The following ARL6IP6 variants were observed in gnomAD, a reference collection of about 807,000 sequenced individuals.
The protein encoded by ARL6IP6 is ADP-ribosylation factor-like protein 6-interacting protein 6.
A neutral mutation model predicts 21.5 loss-of-function variants in ARL6IP6; 22 were observed. The ratio of observed to expected loss-of-function variants is 1.02; its 90% confidence interval spans 0.73 to 1.46. The LOEUF is 1.46. ARL6IP6 is among the 40% of genes most tolerant of loss of function. The pLI is 0.00. For missense variants in ARL6IP6, 388 were observed against 299.8 expected (o/e 1.29, Z -2.17); for synonymous variants, 164 against 125.3 (o/e 1.31, Z -2.06).
intron 3 of ARL6IP6, among the ~76,000 whole-genome samples, chr2:152,742,863 C>T (rs1700881441): frequency 6.6e-6 from 1 of 151,958 alleles, no homozygotes. Flanking sequence ...ATGAAGAAAC[C>T]AAGTCTCAGA....
At chr2:152,739,241 T>C (rs1428883521) in intron 3 of ARL6IP6, among the ~76,000 whole-genome samples, 1 of 152,154 alleles carries the variant, frequency 6.6e-6, no homozygotes, top group Admixed American at 6.5e-5. Context: ...CACCTTGGCC[T>C]CCCAAAGTAC....
At position 152,761,248 on chromosome 2, in the gene ARL6IP6, A is replaced by T. The variant is rs1701831381; in HGVS notation, c.*1408A>T. 6.9e-6 allele frequency: 1 copy of T among 144,924 alleles called. No individual in the cohort carries two copies. Among genetic ancestry groups the T allele is most frequent in the South Asian group, 2.3e-4 (1 of 4,374 alleles). The allele number at this position is 144,924 out of a possible 1,614,324, so 9.0% of individuals were successfully genotyped here. ...TACTGCTCCAATTTAAATTATCTGA[A>T]ATGTGTGTGTGTGTGTGTGTATCTA... On this transcript the variant is annotated 3_prime_UTR_variant, in exon 4 of 4. Transcript: ENST00000326446.
intron 1 of ARL6IP6, 149 bp downstream of exon 1, chr2:152,719,173 T>A: frequency 1.1e-6 from 1 of 894,802 alleles, no homozygotes; most frequent in Non-Finnish European, 1.6e-6. Context: ...CTTACTTTGC[T>A]CTCCCGCCCT....
Position 152,738,845 on chromosome 2 carries a change from T to G in ARL6IP6, c.587+3719T>G, listed in dbSNP as rs1472541480. Among the ~76,000 whole-genome samples, 3 of 151,620 alleles carry G rather than the reference T, an allele frequency of 2.0e-5. No individual in the cohort carries two copies. The East Asian group carries it at 5.8e-4, about 29-fold the overall frequency. ...TTTCTGCAAATTGCTACAGCTGGCT[T>G]GAATTTTGCCTCAGAAAATTGTTTT... is the stretch of plus-strand genomic sequence containing the variant. On this transcript the variant is annotated intron_variant, in intron 3 of 3. Transcript: ENST00000326446.
At chr2:152,723,685 G>C (rs1185210841) in intron 2 of ARL6IP6, among the ~76,000 whole-genome samples, 2 of 152,124 alleles carry the variant, frequency 1.3e-5, no homozygotes, top group Non-Finnish European at 2.9e-5. Context: ...ACAGATTATA[G>C]CAGCAATTCT....
intron 3 of ARL6IP6, among the ~76,000 whole-genome samples, chr2:152,745,459 G>C (rs926066420): frequency 6.6e-6 from 1 of 152,118 alleles, no homozygotes; most frequent in Non-Finnish European, 1.5e-5. Context: ...GAGTGTTACA[G>C]GTTCTTAACT....
chr2:152,718,191 A>C, upstream of ARL6IP6: 1 of 558,982 alleles, frequency 1.8e-6, no homozygotes, highest in Non-Finnish European at 2.3e-6. Context: ...GAGAAGACAA[A>C]TAGGTTCGGG....
chr2:152,721,079 G>A lies in ARL6IP6; in HGVS notation c.454+493G>A, dbSNP rs935999776. On this transcript the variant is annotated intron_variant, in intron 2 of 3. Coordinates refer to ENST00000326446, the MANE Select transcript of ARL6IP6 (RefSeq NM_152522.7). ...ACTGCACTCCAGCCTGGGCGACAGA[G>A]TGAGACCCTGTCTGAAACAATAATA... Among the ~76,000 whole-genome samples, 3 of 152,334 alleles carry A rather than the reference G, an allele frequency of 2.0e-5. No homozygotes were observed. In the South Asian group the frequency reaches 6.2e-4, roughly 32 times the overall value.
intron 2 of ARL6IP6, among the ~76,000 whole-genome samples, chr2:152,728,090 G>A (rs1700127384): frequency 6.6e-6 from 1 of 151,868 alleles, no homozygotes; most frequent in African/African-American, 2.4e-5. Context: ...AATATAATTG[G>A]AATCATGTAT....
At chr2:152,730,681 A>G (rs1194712154) in intron 2 of ARL6IP6, among the ~76,000 whole-genome samples, 1 of 152,160 alleles carries the variant, frequency 6.6e-6, no homozygotes, top group East Asian at 1.9e-4. Context: ...AATCCTCAAG[A>G]CATTTGCTAT....
intron 2 of ARL6IP6, among the ~76,000 whole-genome samples, chr2:152,729,583 A>G (rs146791216): frequency 0.01 from 1,558 of 152,266 alleles, 21 homozygotes; most frequent in African/African-American, 0.036. Context: ...AAAAAAACAC[A>G]CACACAACAG....
At chr2:152,758,520 A>AT (rs1701689022) in intron 3 of ARL6IP6, among the ~76,000 whole-genome samples, 1 of 152,302 alleles carries the variant, frequency 6.6e-6, no homozygotes, top group East Asian at 1.9e-4. Context: ...CATTATACCT[A>AT]TTTTACGATG....
At chr2:152,734,893 G>T in intron 2 of ARL6IP6, 101 bp from the exon 3 acceptor site, 1 of 1,191,438 alleles carries the variant, frequency 8.4e-7, no homozygotes. Context: ...ATATAATTTA[G>T]AAGATGAGAA....
rs932523354 is a variant in ARL6IP6, at chr2:152,761,946, T to C, written c.*2106T>C. On this transcript the variant is annotated 3_prime_UTR_variant, in exon 4 of 4. Coordinates refer to ENST00000326446, the MANE Select transcript of ARL6IP6 (RefSeq NM_152522.7). ...TAATATAGATAAATATAGAGAGAGA[T>C]GTATCCGTAAGATATTTTTGTGGAA... is the stretch of plus-strand genomic sequence containing the variant. 6.6e-6 allele frequency among the ~76,000 whole-genome samples: 1 copy of C among 152,158 alleles called. No individual in the cohort carries two copies. The highest frequency in any genetic ancestry group is 2.1e-4 in the South Asian group (1 of 4,834).
At chr2:152,739,976 C>T (rs1700734408) in intron 3 of ARL6IP6, among the ~76,000 whole-genome samples, 1 of 152,184 alleles carries the variant, frequency 6.6e-6, no homozygotes, top group Non-Finnish European at 1.5e-5. Context: ...GGGTAACCAC[C>T]CCCATGATTC....
In ARL6IP6 at chr2:152,762,308, C is replaced by T. The variant is rs533723444; in HGVS notation, c.*2468C>T. 3.3e-5 allele frequency among the ~76,000 whole-genome samples: 5 copies of T among 152,310 alleles called. No homozygotes were observed. The highest frequency in any genetic ancestry group is 2.1e-4 in the South Asian group (1 of 4,820). On this transcript the variant is annotated 3_prime_UTR_variant, in exon 4 of 4. Coordinates refer to ENST00000326446, the MANE Select transcript of ARL6IP6 (RefSeq NM_152522.7). ...GGCTGATAACGGATATTGCTAATGG[C>T]GTTACCCTGGTCCCTGAAGCCCAGT...
Position 152,718,797 on chromosome 2 carries a change from A to C in ARL6IP6, c.173A>C (p.Glu58Ala), listed in dbSNP as rs2105060944. Residue 58 changes from glutamate to alanine, a missense_variant, in exon 1 of 4, where the codon GAG becomes GCG. Physicochemically the swap from Glu to Ala is moderately radical, Grantham distance 107. Coordinates refer to ENST00000326446, the MANE Select transcript of ARL6IP6 (RefSeq NM_152522.7). ...CAAGTGGCCCGCGACCTGCGGGCGGAGTTCTCGGCTGGGGCGTGGTCAGAG... is the reference window on the plus strand; with the variant it reads ...CAAGTGGCCCGCGACCTGCGGGCGGCGTTCTCGGCTGGGGCGTGGTCAGAG... Reference protein sequence around the residue: ...CDQVARDLRAEFSAGAWSEPR... With the variant: ...CDQVARDLRAAFSAGAWSEPR... The C allele has an allele frequency of 6.2e-7, 1 of 1,606,252 alleles. No individual in the cohort carries two copies. Among genetic ancestry groups the C allele is most frequent in the African/African-American group, 1.3e-5 (1 of 74,824 alleles).
upstream of ARL6IP6, chr2:152,717,679 C>A (rs1286951480): frequency 7.1e-7 from 1 of 1,412,512 alleles, no homozygotes; most frequent in African/African-American, 1.5e-5. Context: ...GCCGAGTCCT[C>A]CGTCGGGAAA....
intron 2 of ARL6IP6, among the ~76,000 whole-genome samples, chr2:152,726,899 C>A (rs1026444747): frequency 1.3e-5 from 2 of 152,040 alleles, no homozygotes; most frequent in Non-Finnish European, 2.9e-5. Context: ...TTTTATATAA[C>A]CTTCCAGTCA....
Sources: allele counts gnomAD v4.1 joint callset (sites outside exome capture counted in the v4.1 genomes callset), GRCh38; gene constraint gnomAD v4.1.1; transcripts MANE v1.5; gene names NCBI Gene and HGNC (gene_info 2026-07-23, HGNC 2026-07-21).